Variants in RANBP17 observed in about 807,000 individuals in gnomAD.
RANBP17 encodes the protein RAN binding protein 17, also known as ran-binding protein 17.
Under a neutral mutation model 141.2 loss-of-function variants are expected in RANBP17, and 158 were observed. The observed-to-expected ratio is 1.12, with a 90% CI of 0.98 to 1.28. The LOEUF is 1.28. Among genes scored for constraint, RANBP17 ranks in the 50% most tolerant of loss-of-function variants. The pLI is 0.00. For synonymous variants in RANBP17, 430 were observed against 450.0 expected (o/e 0.96, Z 0.56); for missense variants, 1,438 against 1,290.7 (o/e 1.11, Z -1.75).
intron 14 of RANBP17, among the ~76,000 whole-genome samples, chr5:171,074,563 A>G (rs187690961): frequency 2.0e-5 from 3 of 152,302 alleles, no homozygotes; most frequent in East Asian, 1.9e-4. Context: ...TCAATAGAGG[A>G]TATCTGGGAA....
chr5:171,123,947 A>G (rs78564685), intron 14 of RANBP17, among the ~76,000 whole-genome samples: 72 of 152,368 alleles, frequency 4.7e-4, no homozygotes, highest in Non-Finnish European at 8.2e-4. Context: ...AGATATCAAC[A>G]TAAGGACATG....
chr5:171,254,688 A>G (rs1391117939), intron 24 of RANBP17, among the ~76,000 whole-genome samples: 2 of 152,202 alleles, frequency 1.3e-5, no homozygotes, highest in Non-Finnish European at 2.9e-5. Context: ...ACACTTTTCC[A>G]TGCATTAGTA....
At chr5:171,046,642 A>G (rs1177517677) in intron 14 of RANBP17, among the ~76,000 whole-genome samples, 2 of 152,196 alleles carry the variant, frequency 1.3e-5, no homozygotes, top group Non-Finnish European at 2.9e-5. Context: ...TATACAGCAT[A>G]TGATATGTAA....
intron 25 of RANBP17, among the ~76,000 whole-genome samples, chr5:171,290,344 G>T (rs1768416543): frequency 6.6e-6 from 1 of 151,622 alleles, no homozygotes; most frequent in Non-Finnish European, 1.5e-5. Flanking sequence ...CTCCAGCCTG[G>T]GCAACAGAGT....
chr5:171,189,979 A>G (rs1029829188), intron 18 of RANBP17, among the ~76,000 whole-genome samples: 1 of 149,460 alleles, frequency 6.7e-6, no homozygotes, highest in Admixed American at 6.7e-5. Flanking sequence ...TCCTCAAATT[A>G]AAAAAAAAAG....
intron 18 of RANBP17, among the ~76,000 whole-genome samples, chr5:171,199,233 G>A (rs1274085611): frequency 6.6e-6 from 1 of 152,020 alleles, no homozygotes; most frequent in Non-Finnish European, 1.5e-5. Flanking sequence ...ATAAATAAAA[G>A]AGAATAATAA....
chr5:170,912,528 A>C (rs1014411343), intron 7 of RANBP17, among the ~76,000 whole-genome samples: 1 of 151,980 alleles, frequency 6.6e-6, no homozygotes, highest in Non-Finnish European at 1.5e-5. Context: ...GAATATGCCC[A>C]GAGAGATGTT....
chr5:171,099,443 C>T (rs971546290), intron 14 of RANBP17, among the ~76,000 whole-genome samples: 5 of 152,118 alleles, frequency 3.3e-5, no homozygotes, highest in African/African-American at 4.8e-5. Flanking sequence ...GATTTTCGCA[C>T]GTTGATTTTA....
intron 1 of RANBP17, among the ~76,000 whole-genome samples, chr5:170,868,798 A>C (rs1057378797): frequency 1.3e-5 from 2 of 152,248 alleles, no homozygotes; most frequent in East Asian, 1.9e-4. Flanking sequence ...CTAAGATGAA[A>C]ATTTATCAGT....
chr5:170,911,204 T>C (rs1013855099), intron 7 of RANBP17, 70 bp downstream of exon 7: 2 of 1,370,726 alleles, frequency 1.5e-6, no homozygotes, highest in African/African-American at 1.5e-5. Context: ...AGTTTCTGTA[T>C]GTATAGTTAT....
rs574061557 is a variant in RANBP17 at position 171,262,236 on chromosome 5, A to G, written c.2777-3445A>G. 3.3e-5 allele frequency among the ~76,000 whole-genome samples: 5 copies of G among 152,352 alleles called. No individual in the cohort carries two copies. The East Asian group carries it at 9.6e-4, about 29-fold the overall frequency. On this transcript the variant is annotated intron_variant, in intron 24 of 27. Coordinates refer to ENST00000523189, the MANE Select transcript of RANBP17 (RefSeq NM_022897.5). ...CTTATCTTTGTAGATGTCGAGTTAC[A>G]TAATCCATTTACTTTCGTGACTGGG...
At chr5:170,937,410 G>A (rs1278396497) in intron 12 of RANBP17, among the ~76,000 whole-genome samples, 1 of 152,110 alleles carries the variant, frequency 6.6e-6, no homozygotes, top group Admixed American at 6.5e-5. Context: ...CCTGTCCTAG[G>A]CTTTTTCCTT....
intron 14 of RANBP17, among the ~76,000 whole-genome samples, chr5:171,071,162 T>A (rs1163435534): frequency 6.6e-6 from 1 of 152,140 alleles, no homozygotes; most frequent in African/African-American, 2.4e-5. Flanking sequence ...TCGCCATTTT[T>A]AACCCTTCTT....
chr5:171,094,461 A>G (rs1244090389), intron 14 of RANBP17, among the ~76,000 whole-genome samples: 2 of 152,154 alleles, frequency 1.3e-5, no homozygotes, highest in Admixed American at 1.3e-4. Context: ...AATTTTTCTC[A>G]TTATTATCAT....
chr5:171,080,042 A>AT (rs1195892808), intron 14 of RANBP17, among the ~76,000 whole-genome samples: 5 of 151,850 alleles, frequency 3.3e-5, no homozygotes, highest in South Asian at 2.1e-4. Flanking sequence ...TCCTGATAAC[A>AT]TTTTTTTTAC....
intron 14 of RANBP17, among the ~76,000 whole-genome samples, chr5:171,008,257 G>A (rs1017868240): frequency 6.6e-6 from 1 of 152,200 alleles, no homozygotes. Flanking sequence ...CTGGAGAAGA[G>A]AGTGAAAAGA....
At chr5:171,147,362 T>TGTGTGTGC (rs1554105353) in intron 14 of RANBP17, among the ~76,000 whole-genome samples, 1 of 148,212 alleles carries the variant, frequency 6.7e-6, no homozygotes, top group African/African-American at 2.5e-5. Flanking sequence ...TGTGTGTGTG[T>TGTGTGTGC]GTGTGTGTGT....
chr5:171,037,060 T>G (rs891022682), intron 14 of RANBP17, among the ~76,000 whole-genome samples: 1 of 152,190 alleles, frequency 6.6e-6, no homozygotes, highest in African/African-American at 2.4e-5. Flanking sequence ...CCCCCAACAG[T>G]GTATAAGCGT....
intron 14 of RANBP17, chr5:171,143,451 C>G (rs1757835132): frequency 6.6e-6 from 1 of 152,184 alleles, no homozygotes; most frequent in South Asian, 2.1e-4. Flanking sequence ...CACTTACTTT[C>G]TCATATTGGC....
Sources: allele counts gnomAD v4.1 joint callset (sites outside exome capture counted in the v4.1 genomes callset), GRCh38; gene constraint gnomAD v4.1.1; transcripts MANE v1.5; gene names NCBI Gene and HGNC (gene_info 2026-07-23, HGNC 2026-07-21).